GPHN: variants seen among roughly 807,000 people sequenced by gnomAD.
GPHN encodes gephyrin.
Under a neutral mutation model 95.5 loss-of-function variants are expected in GPHN, and 17 were observed. That is an observed-to-expected ratio of 0.18 (90% CI 0.12 to 0.27). The LOEUF (loss-of-function observed/expected upper bound fraction) is 0.27. Among genes scored for constraint, GPHN ranks in the 10% least tolerant of loss-of-function variants. The pLI, the probability that GPHN is intolerant of heterozygous loss-of-function variation, is 1.00. For synonymous variants in GPHN, 320 were observed against 322.5 expected (o/e 0.99, Z 0.08); for missense variants, 660 against 978.1 (o/e 0.67, Z 4.34).
At chr14:67,557,241 G>T in the GPHN span, 1 of 1,604,992 alleles carries the variant, frequency 6.2e-7, no homozygotes, top group South Asian at 1.1e-5. Context: ...GTGATGGGAA[G>T]ACACTATGAG....
At chr14:66,554,240 G>A (rs1378415250) in intron 1 of GPHN, among the ~76,000 whole-genome samples, 1 of 152,140 alleles carries the variant, frequency 6.6e-6, no homozygotes, top group Non-Finnish European at 1.5e-5. Flanking sequence ...ATTAAGGTTA[G>A]GTTCTATAGA....
chr14:67,586,490 C>T, the GPHN span: 3 of 1,062,070 alleles, frequency 2.8e-6, no homozygotes, highest in Admixed American at 6.9e-5. Flanking sequence ...TCTGCTGACC[C>T]AACATTAGCT....
At chr14:66,836,602 T>G (rs1196271241) in intron 4 of GPHN, among the ~76,000 whole-genome samples, 2 of 138,086 alleles carry the variant, frequency 1.4e-5, no homozygotes, top group Non-Finnish European at 3.0e-5. Context: ...TGGGATCTAA[T>G]TAAACTAAAG....
At chr14:67,399,509 G>C in the GPHN span, among the ~76,000 whole-genome samples, 1 of 144,238 alleles carries the variant, frequency 6.9e-6, no homozygotes, top group Non-Finnish European at 1.5e-5. Context: ...AATAGAGAAG[G>C]GTCGTTTAGG....
chr14:67,673,113 A>G, the GPHN span, among the ~76,000 whole-genome samples: 2 of 152,160 alleles, frequency 1.3e-5, no homozygotes, highest in Admixed American at 1.3e-4. Context: ...AGTCCCAAAG[A>G]AGGCGGATCA....
chr14:67,687,255 C>T, the GPHN span, among the ~76,000 whole-genome samples: 1 of 152,142 alleles, frequency 6.6e-6, no homozygotes, highest in African/African-American at 2.4e-5. Flanking sequence ...TTAATTTTAA[C>T]CGTTTCCCAT....
chr14:67,204,437 G>A, the GPHN span: 2 of 1,391,104 alleles, frequency 1.4e-6, no homozygotes, highest in South Asian at 1.9e-5. Flanking sequence ...GTGAGAACTT[G>A]TCTCAAAACA....
chr14:66,742,110 A>G (rs2072845687), intron 2 of GPHN, among the ~76,000 whole-genome samples: 1 of 152,158 alleles, frequency 6.6e-6, no homozygotes, highest in Non-Finnish European at 1.5e-5. Flanking sequence ...CTCTAACAAC[A>G]CTTTTCCAAA....
intron 1 of GPHN, among the ~76,000 whole-genome samples, chr14:66,642,336 G>A (rs983347506): frequency 1.3e-5 from 2 of 152,076 alleles, no homozygotes; most frequent in Non-Finnish European, 2.9e-5. Flanking sequence ...TTGATTCCAA[G>A]CATGAGAAAG....
chr14:67,164,446 C>A (rs1011065316), intron 19 of GPHN, among the ~76,000 whole-genome samples: 1 of 152,004 alleles, frequency 6.6e-6, no homozygotes, highest in African/African-American at 2.4e-5. Context: ...TTAAAAAATA[C>A]TCATTTTGAA....
intron 9 of GPHN, among the ~76,000 whole-genome samples, chr14:67,002,143 A>T (rs776575138): frequency 1.4e-4 from 21 of 151,536 alleles, no homozygotes; most frequent in Non-Finnish European, 2.5e-4. Context: ...AAAAAACAGA[A>T]GTTTATTCAT....
chr14:67,279,106 T>A, the GPHN span: 2 of 1,393,434 alleles, frequency 1.4e-6, no homozygotes, highest in South Asian at 1.6e-5. Context: ...TACTACAGAA[T>A]CAAGAGAATT....
the GPHN span, chr14:67,447,505 G>A: frequency 3.3e-5 from 5 of 152,220 alleles, no homozygotes; most frequent in African/African-American, 9.6e-5. Flanking sequence ...GACAAAGACT[G>A]TGTTAGATAG....
the GPHN span, chr14:67,488,630 C>G: frequency 6.6e-6 from 1 of 152,590 alleles, no homozygotes; most frequent in South Asian, 2.1e-4. Context: ...ACCAGCACCA[C>G]AAGGACCATG....
chr14:66,824,328 TC>T (rs1299513267), intron 3 of GPHN, 145 bp from the exon 4 acceptor site: 1 of 586,904 alleles, frequency 1.7e-6, no homozygotes, highest in Non-Finnish European at 3.1e-6. Context: ...GTGAAACTGT[TC>T]CATGAATTGT....
chr14:67,259,186 C>G, the GPHN span, among the ~76,000 whole-genome samples: 1 of 151,418 alleles, frequency 6.6e-6, no homozygotes, highest in African/African-American at 2.4e-5. Context: ...CCTGAATGTT[C>G]TATGTATGTA....
chr14:66,981,972 T>C (rs887202149), intron 9 of GPHN, among the ~76,000 whole-genome samples: 2 of 152,186 alleles, frequency 1.3e-5, no homozygotes, highest in Admixed American at 1.3e-4. Flanking sequence ...CAACATTTTC[T>C]AAAACATTTT....
At chr14:66,976,328 C>T in intron 9 of GPHN, among the ~76,000 whole-genome samples, 1 of 152,066 alleles carries the variant, frequency 6.6e-6, no homozygotes, top group East Asian at 1.9e-4. Flanking sequence ...AATTAAATAG[C>T]TTTGATTCAT....
At chr14:67,282,071 A>T in the GPHN span, among the ~76,000 whole-genome samples, 1 of 152,214 alleles carries the variant, frequency 6.6e-6, no homozygotes. Context: ...TTATGTTGAT[A>T]TAGTCAACAC....
Sources: gnomAD v4.1 joint callset for allele counts (sites outside exome capture counted in the v4.1 genomes callset) on GRCh38, gnomAD v4.1.1 for gene constraint, MANE v1.5 for transcripts, NCBI Gene and HGNC (gene_info 2026-07-23, HGNC 2026-07-21) for gene names.